CAMK4: variants seen among roughly 807,000 people sequenced by gnomAD.
The protein encoded by CAMK4 is calcium/calmodulin dependent protein kinase IV.
A neutral mutation model predicts 44.9 loss-of-function variants in CAMK4; 22 were observed. The ratio of observed to expected loss-of-function variants is 0.49; its 90% confidence interval spans 0.35 to 0.70. The LOEUF is 0.70. Among genes scored for constraint, CAMK4 ranks in the 30% least tolerant of loss-of-function variants. The pLI is 0.01. For synonymous variants in CAMK4, 218 were observed against 215.4 expected, an observed-to-expected ratio of 1.01 and a Z score of -0.11; for missense variants, 498 against 586.8, an observed-to-expected ratio of 0.85 and a Z score of 1.56.
chr5:111,492,829 G>A lies in CAMK4; in HGVS notation c.*8363G>A, dbSNP rs1206310534. On this transcript the variant is annotated 3_prime_UTR_variant, in exon 11 of 11. Transcript: ENST00000282356. ...AAAGCCAACCTTATAGATACAACCT[G>A]TACATATATAACCTATGCTGCATTT... The A allele has an allele frequency of 6.6e-6, 1 of 152,100 alleles. No individual in the cohort carries two copies. The highest frequency in any genetic ancestry group is 1.5e-5 in the Non-Finnish European group (1 of 68,028). The allele number at this position is 152,100 out of a possible 1,614,324, so 9.4% of individuals were successfully genotyped here.
chr5:111,298,958 G>T (rs1165524182), intron 1 of CAMK4, among the ~76,000 whole-genome samples: 1 of 152,230 alleles, frequency 6.6e-6, no homozygotes. Flanking sequence ...GAGATGGTGG[G>T]CATCTCTAGG....
At chr5:111,314,560 T>C (rs1470465165) in intron 1 of CAMK4, among the ~76,000 whole-genome samples, 1 of 152,094 alleles carries the variant, frequency 6.6e-6, no homozygotes, top group Non-Finnish European at 1.5e-5. Context: ...TTCAGAATAA[T>C]TTTCTAGTAT....
chr5:111,232,951 A>G (rs1459252638), intron 1 of CAMK4, among the ~76,000 whole-genome samples: 1 of 152,232 alleles, frequency 6.6e-6, no homozygotes, highest in Non-Finnish European at 1.5e-5. Flanking sequence ...GTTGAGAGAA[A>G]GCAGGCATAG....
intron 4 of CAMK4, among the ~76,000 whole-genome samples, chr5:111,388,575 A>C (rs1262805792): frequency 6.6e-6 from 1 of 152,060 alleles, no homozygotes; most frequent in African/African-American, 2.4e-5. Context: ...CTCACCCTTC[A>C]TGGCCTCCAG....
rs570947924 is a variant in CAMK4 at position 111,347,437 on chromosome 5, C to T, written c.240+3335C>T. The stretch of plus-strand genomic sequence containing the variant: ...ATGACAATCGTTTAAGCTATTATTA[C>T]CTTTTTAATTAGTGGATTATTTATA... On this transcript the variant is annotated intron_variant, in intron 2 of 10. Transcript: ENST00000282356. Among the ~76,000 whole-genome samples, 11 of 152,098 alleles carry T rather than the reference C, an allele frequency of 7.2e-5. No homozygotes were observed. In the South Asian group the frequency reaches 2.3e-3, roughly 32 times the overall value.
chr5:111,430,839 G>T (rs1458376659), intron 5 of CAMK4, among the ~76,000 whole-genome samples: 1 of 151,872 alleles, frequency 6.6e-6, no homozygotes, highest in African/African-American at 2.4e-5. Flanking sequence ...CAAGTTCATG[G>T]GTTCGAAGAA....
intron 1 of CAMK4, among the ~76,000 whole-genome samples, chr5:111,248,488 A>T (rs1410725458): frequency 2.7e-5 from 4 of 149,100 alleles, no homozygotes; most frequent in Non-Finnish European, 5.9e-5. Flanking sequence ...GTCACTTAAG[A>T]AATTATTTAA....
chr5:111,324,190 AG>A (rs1268187305), intron 1 of CAMK4, among the ~76,000 whole-genome samples: 1 of 151,978 alleles, frequency 6.6e-6, no homozygotes, highest in Non-Finnish European at 1.5e-5. Context: ...TTTTAAAATA[AG>A]GATGACTTAA....
chr5:111,394,644 C>A, intron 4 of CAMK4, 66 bp from the exon 5 acceptor site: 2 of 1,037,326 alleles, frequency 1.9e-6, no homozygotes, highest in Non-Finnish European at 3.0e-6. Context: ...ATTTACTTAA[C>A]TTCTTTTAAT....
intron 1 of CAMK4, among the ~76,000 whole-genome samples, chr5:111,333,415 C>G (rs1162368360): frequency 3.5e-5 from 2 of 57,078 alleles, no homozygotes; most frequent in Non-Finnish European, 4.9e-5. Context: ...TTGAAGCAAA[C>G]AAAGAGGACT....
At chr5:111,373,798 A>T (rs1580668097) in intron 2 of CAMK4, among the ~76,000 whole-genome samples, 2 of 152,168 alleles carry the variant, frequency 1.3e-5, no homozygotes, top group Non-Finnish European at 2.9e-5. Flanking sequence ...GGACAGCTCA[A>T]ATGGCAGAAA....
intron 4 of CAMK4, among the ~76,000 whole-genome samples, chr5:111,391,909 T>A (rs866511496): frequency 3.3e-5 from 5 of 152,184 alleles, no homozygotes; most frequent in African/African-American, 1.2e-4. Context: ...TCAGATTTTT[T>A]GAAAATCACA....
At chr5:111,389,086 T>G (rs540839159) in intron 4 of CAMK4, among the ~76,000 whole-genome samples, 1 of 152,306 alleles carries the variant, frequency 6.6e-6, no homozygotes, top group Non-Finnish European at 1.5e-5. Flanking sequence ...TTCTCATGGT[T>G]CTGGAGGCTG....
chr5:111,234,582 A>G (rs1748630347), intron 1 of CAMK4, among the ~76,000 whole-genome samples: 1 of 152,210 alleles, frequency 6.6e-6, no homozygotes, highest in Non-Finnish European at 1.5e-5. Flanking sequence ...TTAGGCAGCT[A>G]AAGGCACTGA....
chr5:111,443,421 A>C (rs182761681), intron 5 of CAMK4, among the ~76,000 whole-genome samples: 18 of 149,248 alleles, frequency 1.2e-4, no homozygotes, highest in African/African-American at 4.2e-4. Context: ...ATGTTTAGCA[A>C]ATCATCTCTG....
chr5:111,342,980 T>C (rs1008200143), intron 1 of CAMK4, among the ~76,000 whole-genome samples: 1 of 151,790 alleles, frequency 6.6e-6, no homozygotes, highest in South Asian at 2.1e-4. Flanking sequence ...ATTTTAATAT[T>C]TTTGCCTTAG....
rs1241223547 is a variant in CAMK4 at position 111,267,725 on chromosome 5, A to G, written c.161+43081A>G. On this transcript the variant is annotated intron_variant, in intron 1 of 10. Coordinates refer to ENST00000282356, the MANE Select transcript of CAMK4 (RefSeq NM_001744.6). ...TCTCAAAAAAAAAAAAAAAAAAAAA[A>G]AAAGAATCTTCATTCTGAAGGACAC... Among the ~76,000 whole-genome samples the G allele has an allele frequency of 2.7e-5, 4 of 147,888 alleles. No homozygotes were observed. The Admixed American group carries it at 2.7e-4, about 10-fold the overall frequency.
intron 9 of CAMK4, among the ~76,000 whole-genome samples, chr5:111,480,952 A>G (rs1755415264): frequency 6.6e-6 from 1 of 152,176 alleles, no homozygotes; most frequent in South Asian, 2.1e-4. Flanking sequence ...CCATAAATGT[A>G]TACTTACTAG....
intron 1 of CAMK4, among the ~76,000 whole-genome samples, chr5:111,255,859 G>C (rs1456181402): frequency 6.6e-6 from 1 of 152,100 alleles, no homozygotes; most frequent in African/African-American, 2.4e-5. Flanking sequence ...TTCTCCCAGT[G>C]TATTTTTGGA....
Sources: allele counts gnomAD v4.1 joint callset (sites outside exome capture counted in the v4.1 genomes callset), GRCh38; gene constraint gnomAD v4.1.1; transcripts MANE v1.5; gene names NCBI Gene and HGNC (gene_info 2026-07-23, HGNC 2026-07-21).